PKHD1: variants seen among roughly 807,000 people sequenced by gnomAD.
PKHD1 encodes PKHD1 ciliary IPT domain containing fibrocystin/polyductin, also known as fibrocystin.
PKHD1 carries 291 observed loss-of-function variants against 412.0 expected under a neutral mutation model. The observed-to-expected ratio is 0.71, with a 90% CI of 0.64 to 0.78. PKHD1 has a LOEUF of 0.78. Ranked by LOEUF, PKHD1 falls within the 30% of genes least tolerant of loss-of-function variation. The pLI is 0.00. For missense variants in PKHD1, 4,825 were observed against 4,950.7 expected (o/e 0.97, Z 0.76); for synonymous variants, 1,777 against 1,821.5 (o/e 0.98, Z 0.62).
At position 51,826,996 on chromosome 6, in the gene PKHD1, C is replaced by T. The variant is rs116162585; in HGVS notation, c.8302+3865G>A. 3.2e-3 allele frequency among the ~76,000 whole-genome samples: 481 copies of T among 152,198 alleles called. 2 individuals carry two copies. Among genetic ancestry groups the T allele is most frequent in the African/African-American group, 0.011 (460 of 41,532 alleles). On this transcript the variant is annotated intron_variant, in intron 52 of 66. Coordinates refer to ENST00000371117, the MANE Select transcript of PKHD1 (RefSeq NM_138694.4). The stretch of plus-strand genomic sequence containing the variant: ...TGAATAATGATGGGAATGTTCTACA[C>T]GTTTCCTTTATTAATGAATTAAAAT...
At position 51,748,178 on chromosome 6, in the gene PKHD1, G is replaced by T. The variant is rs1375574766; in HGVS notation, c.9438C>A (p.Gly3146=). ...SGLDNCTRIS[G]FLAFKNFDYG... ...AGTCAAAGTTCTTGAAAGCCAAGAA[G>T]CCAGAGATTCTGGTACAGTTGTCAA... The change falls in exon 58 of 67, where the codon GGC becomes GGA. Residue 3146 remains glycine (G), a synonymous_variant. Coordinates refer to ENST00000371117, the MANE Select transcript of PKHD1 (RefSeq NM_138694.4). The T allele has an allele frequency of 6.2e-7, 1 of 1,614,088 alleles. No homozygotes were observed. Among genetic ancestry groups the T allele is most frequent in the Non-Finnish European group, 8.5e-7 (1 of 1,179,972 alleles).
intron 60 of PKHD1, among the ~76,000 whole-genome samples, chr6:51,677,803 G>C (rs182985714): frequency 1.1e-4 from 16 of 152,124 alleles, no homozygotes; most frequent in Admixed American, 2.6e-4. Context: ...GAGAGAGAAG[G>C]TCAGATCTAT....
chr6:51,788,227 AT>A, intron 53 of PKHD1, among the ~76,000 whole-genome samples: 1 of 152,228 alleles, frequency 6.6e-6, no homozygotes, highest in South Asian at 2.1e-4. Context: ...GGCAGGACTA[AT>A]GGCATGACCT....
At chr6:51,772,255 C>A (rs1324500842) in intron 55 of PKHD1, among the ~76,000 whole-genome samples, 1 of 152,008 alleles carries the variant, frequency 6.6e-6, no homozygotes, top group East Asian at 1.9e-4. Flanking sequence ...TTTGAGGAAG[C>A]AATGACTCTG....
At chr6:51,881,425 A>G (rs1777331230) in intron 46 of PKHD1, among the ~76,000 whole-genome samples, 1 of 152,184 alleles carries the variant, frequency 6.6e-6, no homozygotes, top group Non-Finnish European at 1.5e-5. Context: ...TATGTTGTAC[A>G]TTACATCTCT....
intron 52 of PKHD1, among the ~76,000 whole-genome samples, chr6:51,796,207 G>C (rs1794562835): frequency 1.0e-5 from 1 of 95,372 alleles, no homozygotes; most frequent in African/African-American, 3.2e-5. Context: ...TCTATTCAGG[G>C]ATTCAATTCT....
intron 47 of PKHD1, 25 bp downstream of exon 47, chr6:51,870,479 C>G: frequency 6.3e-7 from 1 of 1,588,396 alleles, no homozygotes; most frequent in South Asian, 1.1e-5. Context: ...TATTTATCAT[C>G]TGTTCTGTCT....
At chr6:51,900,890 T>C (rs940964620) in intron 43 of PKHD1, among the ~76,000 whole-genome samples, 6 of 152,162 alleles carry the variant, frequency 3.9e-5, no homozygotes, top group African/African-American at 1.4e-4. Context: ...AAGAAGACAT[T>C]TATGGAGCCA....
chr6:51,846,021 T>C (rs577876865), intron 50 of PKHD1, among the ~76,000 whole-genome samples: 1 of 152,340 alleles, frequency 6.6e-6, no homozygotes, highest in East Asian at 1.9e-4. Context: ...TAATGGTAAC[T>C]ATTTACTCTT....
intron 60 of PKHD1, among the ~76,000 whole-genome samples, chr6:51,693,964 C>A (rs777659620): frequency 4.5e-4 from 69 of 152,136 alleles, no homozygotes; most frequent in Non-Finnish European, 8.4e-4. Flanking sequence ...TGATTCAAAC[C>A]CCCTGTCCTT....
At position 51,959,963 on chromosome 6, in the gene PKHD1, G is replaced by C; in HGVS notation, c.5815C>G (p.Leu1939Val). The C allele has an allele frequency of 2.5e-6, 4 of 1,613,508 alleles. 1 individual carries two copies. The highest frequency in any genetic ancestry group is 2.7e-5 in the African/African-American group (2 of 74,992). The change falls in exon 36 of 67, where the codon CTG (leucine) becomes GTG (valine). Residue 1939 changes from leucine (L) to valine (V), a missense_variant. Transcript: ENST00000371117. ...SRTHSWFPER[L>V]PQDGDNVTVE... ...GTGACGTTGTCGCCATCTTGTGGCA[G>C]CCTTTCAGGAAACCAGCTGTGAGTC...
intron 40 of PKHD1, among the ~76,000 whole-genome samples, chr6:51,908,448 T>C (rs1291730971): frequency 2.0e-5 from 3 of 152,062 alleles, no homozygotes; most frequent in Non-Finnish European, 4.4e-5. Flanking sequence ...AGCTTGAATG[T>C]GTGGGTGTTG....
At chr6:51,979,541 C>G (rs1312396524) in intron 35 of PKHD1, among the ~76,000 whole-genome samples, 1 of 151,744 alleles carries the variant, frequency 6.6e-6, no homozygotes, top group Non-Finnish European at 1.5e-5. Flanking sequence ...CTGTCTTTCT[C>G]CCTCTCTCTC....
chr6:51,662,545 A>G (rs1338691987), intron 60 of PKHD1, among the ~76,000 whole-genome samples: 1 of 151,932 alleles, frequency 6.6e-6, no homozygotes, highest in Non-Finnish European at 1.5e-5. Flanking sequence ...ATTTAGAAAA[A>G]GATCACAGAA....
chr6:51,668,140 A>G (rs1774184003), intron 60 of PKHD1, among the ~76,000 whole-genome samples: 1 of 152,126 alleles, frequency 6.6e-6, no homozygotes, highest in Non-Finnish European at 1.5e-5. Context: ...CTTGTGCAGT[A>G]TGGCCATTTT....
intron 60 of PKHD1, among the ~76,000 whole-genome samples, chr6:51,669,238 T>A (rs1366058040): frequency 6.6e-6 from 1 of 152,214 alleles, no homozygotes; most frequent in Admixed American, 6.5e-5. Flanking sequence ...GTTATTGGTC[T>A]ATTCAGAGAT....
chr6:51,930,004 A>G (rs999117822), intron 37 of PKHD1, among the ~76,000 whole-genome samples: 3 of 152,196 alleles, frequency 2.0e-5, no homozygotes, highest in Non-Finnish European at 2.9e-5. Context: ...TGAACAATCA[A>G]TAAAAGCTCC....
chr6:51,797,265 G>T (rs9382030), intron 52 of PKHD1, among the ~76,000 whole-genome samples: 89,376 of 151,582 alleles, frequency 0.59, 26,970 homozygotes, highest in East Asian at 0.83. Context: ...ATGAGAACAA[G>T]GTATATGCCT....
intron 55 of PKHD1, among the ~76,000 whole-genome samples, chr6:51,760,297 T>C (rs1787777876): frequency 6.6e-6 from 1 of 152,150 alleles, no homozygotes; most frequent in Non-Finnish European, 1.5e-5. Context: ...AGCCCTTCTT[T>C]ATGTTCTGCT....
Sources: allele counts gnomAD v4.1 joint callset (sites outside exome capture counted in the v4.1 genomes callset), GRCh38; gene constraint gnomAD v4.1.1; transcripts MANE v1.5; gene names NCBI Gene and HGNC (gene_info 2026-07-23, HGNC 2026-07-21).